The following PRKCD variants were observed in gnomAD, a reference collection of about 807,000 sequenced individuals.
PRKCD encodes the protein protein kinase C delta, also known as protein kinase C delta type.
A neutral mutation model predicts 82.2 loss-of-function variants in PRKCD; 20 were observed. The ratio of observed to expected loss-of-function variants is 0.24; its 90% CI spans 0.17 to 0.35. The LOEUF is 0.35. PRKCD is among the 10% of genes least tolerant of loss of function. The pLI is 1.00. For synonymous variants in PRKCD, 317 were observed against 337.0 expected (o/e 0.94, Z 0.65); for missense variants, 607 against 899.0 (o/e 0.68, Z 4.15).
intron 5 of PRKCD, 85 bp downstream of exon 5, chr3:53,181,352 G>A (rs1703433043): frequency 6.2e-6 from 10 of 1,607,468 alleles, no homozygotes; most frequent in South Asian, 3.3e-5. Context: ...TGCTCCCTTC[G>A]GCAGAGCTGT....
At chr3:53,179,008 A>T (rs1357287657) in intron 3 of PRKCD, among the ~76,000 whole-genome samples, 2 of 152,112 alleles carry the variant, frequency 1.3e-5, no homozygotes, top group African/African-American at 4.8e-5. Flanking sequence ...ACCTCACATC[A>T]TTCCCTCTTG....
At chr3:53,183,039 G>C (rs1703509657) in intron 7 of PRKCD, 82 bp from the exon 8 acceptor site, 2 of 1,420,286 alleles carry the variant, frequency 1.4e-6, no homozygotes, top group Non-Finnish European at 2.0e-6. Flanking sequence ...TAGAGGGCTA[G>C]ACTGGTCGGC....
At chr3:53,183,754 G>A (rs1703560602) in intron 9 of PRKCD, among the ~76,000 whole-genome samples, 173 bp downstream of exon 9, 1 of 152,348 alleles carries the variant, frequency 6.6e-6, no homozygotes, top group Admixed American at 6.5e-5. Flanking sequence ...GACTGGCTCT[G>A]CCACTTACCT....
intron 2 of PRKCD, among the ~76,000 whole-genome samples, chr3:53,178,203 G>A (rs1464973096): frequency 6.6e-6 from 1 of 152,176 alleles, no homozygotes; most frequent in Non-Finnish European, 1.5e-5. Flanking sequence ...CTCCCAAAGT[G>A]CTGGGATTAC....
At chr3:53,164,463 A>G (rs1284335807) in intron 1 of PRKCD, among the ~76,000 whole-genome samples, 1 of 152,110 alleles carries the variant, frequency 6.6e-6, no homozygotes, top group Non-Finnish European at 1.5e-5. Context: ...CGCACCTGTA[A>G]TCTCAGCTGC....
chr3:53,186,189 G>A lies in PRKCD; in HGVS notation c.1109G>A (p.Gly370Asp), dbSNP rs1553669011. The A allele has an allele frequency of 6.2e-7, 1 of 1,614,046 alleles. No homozygotes were observed. The change falls in exon 13 of 19, where the codon GGC becomes GAC. Residue 370 changes from glycine (G) to aspartate (D), a missense_variant. Gly to Asp is a moderately conservative substitution (Grantham distance 94, BLOSUM62 -1). This residue lies in a region of PRKCD where 251 missense variants were observed against 423.9 expected (regional missense o/e 0.59). Transcript: ENST00000330452. ...FGKVLLGELK[G>D]RGEYFAIKAL... The stretch of plus-strand genomic sequence containing the variant: ...CAGGTGCTGCTTGGAGAGCTGAAGG[G>A]CAGAGGAGAGTACTTTGCCATCAAG...
Position 53,188,617 on chromosome 3 carries a change from G to C in PRKCD, c.1416-103G>C, listed in dbSNP as rs191681565. The C allele has an allele frequency of 3.9e-5, 57 of 1,443,294 alleles. No homozygotes were observed. In the East Asian group the frequency reaches 1.3e-3, roughly 33 times the overall value. 89.4% of individuals were successfully genotyped at this position (1,443,294 alleles called of 1,614,324 possible). ...TGTTTCTCATTCCCTTGTACCCTTG[G>C]GGACAGTCCTGGACTAATACGGCTG... On this transcript the variant is annotated intron_variant, in intron 15 of 18. Coordinates refer to ENST00000330452, the MANE Select transcript of PRKCD (RefSeq NM_006254.4).
chr3:53,178,102 C>T (rs950203362), intron 2 of PRKCD, among the ~76,000 whole-genome samples: 1 of 152,044 alleles, frequency 6.6e-6, no homozygotes, highest in Non-Finnish European at 1.5e-5. Flanking sequence ...TGCACCACCA[C>T]ACCCAGCTAA....
intron 9 of PRKCD, 28 bp from the exon 10 acceptor site, chr3:53,184,846 T>A: frequency 6.2e-7 from 1 of 1,606,994 alleles, no homozygotes; most frequent in Non-Finnish European, 8.5e-7. Flanking sequence ...GCTCTGAGAC[T>A]GACAGCCCCG....
chr3:53,184,360 AC>A lies in PRKCD; in HGVS notation c.788-513del, dbSNP rs1423560862. 6.3e-3 allele frequency among the ~76,000 whole-genome samples: 928 copies of A among 147,422 alleles called. 13 individuals carry two copies. The highest frequency in any genetic ancestry group is 0.022 in the African/African-American group (891 of 39,650). ...AACAACAACAACAACAACAACAACA[AC>A]AACAACAAAAATCATGAAAGATTGA... On this transcript the variant is annotated intron_variant, in intron 9 of 18. Coordinates refer to ENST00000330452, the MANE Select transcript of PRKCD (RefSeq NM_006254.4).
At chr3:53,171,398 C>T (rs1703025151) in intron 2 of PRKCD, among the ~76,000 whole-genome samples, 1 of 152,214 alleles carries the variant, frequency 6.6e-6, no homozygotes, top group Non-Finnish European at 1.5e-5. Flanking sequence ...ACCTTCCAGA[C>T]CCTCTGGCAG....
chr3:53,185,041 C>A, intron 10 of PRKCD, 67 bp downstream of exon 10: 1 of 1,412,946 alleles, frequency 7.1e-7, no homozygotes, highest in Non-Finnish European at 1.0e-6. Context: ...GGCTTACAGC[C>A]ACTGCTGGGG....
At chr3:53,170,305 G>C (rs1313119226) in intron 2 of PRKCD, among the ~76,000 whole-genome samples, 1 of 152,236 alleles carries the variant, frequency 6.6e-6, no homozygotes, top group African/African-American at 2.4e-5. Context: ...CCCTGGGTCT[G>C]CCCCATTGGC....
At chr3:53,181,009 C>G (rs547604921) in intron 4 of PRKCD, among the ~76,000 whole-genome samples, 198 bp from the exon 5 acceptor site, 6 of 149,620 alleles carry the variant, frequency 4.0e-5, no homozygotes, top group Non-Finnish European at 7.4e-5. Context: ...AATAATACCC[C>G]TGGGTACAGG....
At chr3:53,185,095 C>T (rs1413515702) in intron 10 of PRKCD, 121 bp downstream of exon 10, 7 of 826,088 alleles carry the variant, frequency 8.5e-6, no homozygotes, top group African/African-American at 1.7e-5. Flanking sequence ...GACTCTACTT[C>T]GGGAAGATGC....
At chr3:53,179,820 CTGTGTGTGTGTGCATGCGTGCA>C (rs1479079045) in intron 4 of PRKCD, 44 bp downstream of exon 4, 20 of 439,204 alleles carry the variant, frequency 4.6e-5, no homozygotes, top group Non-Finnish European at 1.1e-5. Context: ...GTGTGTGTGT[CTGTGTGTGTGTGCATGCGTGCA>C]TGTGTGTGCG....
intron 9 of PRKCD, 105 bp downstream of exon 9, chr3:53,183,686 G>C: frequency 6.8e-7 from 1 of 1,476,234 alleles, no homozygotes; most frequent in Non-Finnish European, 9.1e-7. Flanking sequence ...CTGGAGACGG[G>C]CACCTCATTC....
Position 53,169,488 on chromosome 3 carries a change from C to G in PRKCD, c.-20+4273C>G, listed in dbSNP as rs1173902456. On this transcript the variant is annotated intron_variant, in intron 2 of 18. Transcript: ENST00000330452. This position sits in a 1 kb window ranked among gnomAD's most constrained non-coding sequence, Gnocchi z 4.7. ...TGAGCCGCTGTTTTCACAACAGCTC[C>G]GGAAGCTTTGGATCATGTCTATGGC... Among the ~76,000 whole-genome samples the G allele has an allele frequency of 6.6e-6, 1 of 152,084 alleles. No homozygotes were observed. The highest frequency in any genetic ancestry group is 6.5e-5 in the Admixed American group (1 of 15,278).
At chr3:53,189,732 C>G (rs537773097) in intron 17 of PRKCD, 141 bp from the exon 18 acceptor site, 1 of 1,178,790 alleles carries the variant, frequency 8.5e-7, no homozygotes, top group East Asian at 2.4e-5. Context: ...GCCAGAGTGG[C>G]CTCCCTCAGC....
Sources: gnomAD v4.1 joint callset for allele counts (sites outside exome capture counted in the v4.1 genomes callset) on GRCh38, gnomAD v4.1.1 for gene constraint, gnomAD v4.1.1 regional missense constraint, Gnocchi (gnomAD v3.1) non-coding constraint, MANE v1.5 for transcripts, NCBI Gene and HGNC (gene_info 2026-07-23, HGNC 2026-07-21) for gene names.